The following BLTP1 variants were observed in gnomAD, a reference collection of about 807,000 sequenced individuals.
BLTP1 encodes the protein fragile site-associated protein.
chr4:122,244,324 T>G, the BLTP1 span, among the ~76,000 whole-genome samples: 5 of 152,060 alleles, frequency 3.3e-5, no homozygotes, highest in East Asian at 9.6e-4. Context: ...AATCCACAGA[T>G]GCTCAAGTCT....
chr4:122,220,345 G>A, the BLTP1 span: 12 of 1,613,074 alleles, frequency 7.4e-6, no homozygotes, highest in Non-Finnish European at 1.0e-5. Flanking sequence ...TGGAACTACT[G>A]ATGGTCCTGA....
At chr4:122,223,632 C>G in the BLTP1 span, among the ~76,000 whole-genome samples, 46 of 152,208 alleles carry the variant, frequency 3.0e-4, no homozygotes, top group African/African-American at 9.9e-4. Context: ...GGTCTGGAGG[C>G]AAGAACAGGA....
At chr4:122,306,127 G>A in the BLTP1 span, 2 of 1,363,574 alleles carry the variant, frequency 1.5e-6, no homozygotes, top group South Asian at 2.9e-5. Flanking sequence ...TAGTTTACTG[G>A]TGTAAATGCT....
chr4:122,187,752 A>C, the BLTP1 span: 2 of 987,886 alleles, frequency 2.0e-6, no homozygotes, highest in South Asian at 1.9e-5. Context: ...TGACCAGTGG[A>C]ATAGTTTAAA....
the BLTP1 span, chr4:122,232,062 A>T: frequency 1.0e-6 from 1 of 985,298 alleles, no homozygotes. Context: ...CAAGGTGCGA[A>T]TGGAACTAAG....
At chr4:122,348,684 A>G in the BLTP1 span, 14 of 1,610,436 alleles carry the variant, frequency 8.7e-6, no homozygotes, top group Non-Finnish European at 1.2e-5. Flanking sequence ...TTAAACGTTC[A>G]AATGAATATG....
the BLTP1 span, chr4:122,346,854 T>C: frequency 2.6e-6 from 4 of 1,527,192 alleles, no homozygotes; most frequent in East Asian, 2.3e-5. Flanking sequence ...GGGTGTACCA[T>C]GTGATGCGTT....
the BLTP1 span, chr4:122,239,861 C>G: frequency 5.6e-6 from 9 of 1,613,924 alleles, no homozygotes; most frequent in East Asian, 1.8e-4. Context: ...ATAGTGAAGC[C>G]TACTTTTCTG....
At chr4:122,282,203 A>G in the BLTP1 span, 1 of 396,506 alleles carries the variant, frequency 2.5e-6, no homozygotes, top group Non-Finnish European at 3.4e-6. Flanking sequence ...TCCTATCTCA[A>G]AATTCCTTGC....
At chr4:122,298,671 A>G in the BLTP1 span, 1 of 13,244 alleles carries the variant, frequency 7.6e-5, no homozygotes, top group Non-Finnish European at 1.4e-4. Context: ...GTATTTAAAC[A>G]TATAATAATA....
chr4:122,159,693 C>G, the BLTP1 span, among the ~76,000 whole-genome samples: 1 of 152,244 alleles, frequency 6.6e-6, no homozygotes, highest in African/African-American at 2.4e-5. Flanking sequence ...TTCAGCATCT[C>G]TTCAAGGAAG....
the BLTP1 span, among the ~76,000 whole-genome samples, chr4:122,228,203 G>A: frequency 1.3e-5 from 2 of 152,096 alleles, no homozygotes; most frequent in African/African-American, 4.8e-5. Flanking sequence ...GTGAGCCACT[G>A]TGCCCGGCTC....
chr4:122,183,098 G>A, the BLTP1 span: 1 of 805,268 alleles, frequency 1.2e-6, no homozygotes, highest in Non-Finnish European at 1.5e-6. Flanking sequence ...CACTTTGGAA[G>A]GCCTAAGTGG....
At chr4:122,198,691 GAGGTT>G in the BLTP1 span, among the ~76,000 whole-genome samples, 1 of 152,080 alleles carries the variant, frequency 6.6e-6, no homozygotes, top group African/African-American at 2.4e-5. Context: ...TTTGGGTATA[GAGGTT>G]AGGTAGCTTT....
the BLTP1 span, chr4:122,305,523 C>G: frequency 1.0e-5 from 10 of 984,576 alleles, no homozygotes; most frequent in Non-Finnish European, 1.2e-5. Context: ...GTCACAGTTT[C>G]AAAACTGAAT....
chr4:122,284,438 A>G, the BLTP1 span, among the ~76,000 whole-genome samples: 2 of 152,170 alleles, frequency 1.3e-5, no homozygotes, highest in African/African-American at 4.8e-5. Flanking sequence ...AAGAGTTTCT[A>G]TGAAGAATTA....
the BLTP1 span, chr4:122,189,407 A>C: frequency 1.0e-6 from 1 of 983,856 alleles, no homozygotes; most frequent in Non-Finnish European, 1.2e-6. Flanking sequence ...TTCATTCCAG[A>C]GTTAGAGTTC....
the BLTP1 span, chr4:122,248,055 G>A: frequency 1.0e-6 from 1 of 985,016 alleles, no homozygotes; most frequent in Non-Finnish European, 1.2e-6. Flanking sequence ...TATTTTATAG[G>A]TTCTGAAGTT....
chr4:122,280,677 A>C, the BLTP1 span, among the ~76,000 whole-genome samples: 4 of 151,848 alleles, frequency 2.6e-5, no homozygotes, highest in African/African-American at 7.3e-5. Context: ...AAAAAAAAAA[A>C]AAAAACAACC....
Sources: allele counts gnomAD v4.1 joint callset (sites outside exome capture counted in the v4.1 genomes callset), GRCh38; gene constraint gnomAD v4.1.1; transcripts MANE v1.5; gene names NCBI Gene and HGNC (gene_info 2026-07-23, HGNC 2026-07-21).